Variants in PDZRN4 observed in about 807,000 individuals in gnomAD.
PDZRN4 encodes PDZ domain-containing RING finger protein 4.
A neutral mutation model predicts 99.0 loss-of-function variants in PDZRN4; 70 were observed. The ratio of observed to expected loss-of-function variants is 0.71; its 90% confidence interval spans 0.58 to 0.86. The LOEUF (loss-of-function observed/expected upper bound fraction) is 0.86. PDZRN4 is among the 40% of genes least tolerant of loss of function. The pLI, the probability that PDZRN4 is intolerant of heterozygous loss-of-function variation, is 0.00. For missense variants in PDZRN4, 1,474 were observed against 1,331.2 expected (o/e 1.11, Z -1.67); for synonymous variants, 551 against 501.6 (o/e 1.10, Z -1.32).
chr12:41,363,294 G>A (rs562592283), intron 3 of PDZRN4, among the ~76,000 whole-genome samples: 7 of 152,062 alleles, frequency 4.6e-5, no homozygotes, highest in African/African-American at 1.7e-4. Context: ...TCCTTAAAAT[G>A]GTTTCAAATG....
chr12:41,388,682 G>T (rs774256946), intron 3 of PDZRN4, among the ~76,000 whole-genome samples: 1 of 152,158 alleles, frequency 6.6e-6, no homozygotes, highest in African/African-American at 2.4e-5. Context: ...TTCAGAAACA[G>T]CATAATTTGG....
At chr12:41,367,979 G>T (rs2121073442) in intron 3 of PDZRN4, among the ~76,000 whole-genome samples, 1 of 152,204 alleles carries the variant, frequency 6.6e-6, no homozygotes, top group East Asian at 1.9e-4. Context: ...CCATAGTACA[G>T]AGTAGGAAAT....
At chr12:41,434,504 C>A (rs1217545314) in intron 3 of PDZRN4, among the ~76,000 whole-genome samples, 3 of 152,108 alleles carry the variant, frequency 2.0e-5, no homozygotes, top group Non-Finnish European at 4.4e-5. Context: ...CAGAATAATT[C>A]TATAAAGAGA....
At chr12:41,344,087 A>G (rs1017856656) in intron 3 of PDZRN4, among the ~76,000 whole-genome samples, 29 of 152,128 alleles carry the variant, frequency 1.9e-4, no homozygotes, top group Admixed American at 3.9e-4. Flanking sequence ...TTCATGTTAA[A>G]GCAGCTTCCC....
chr12:41,557,521 C>T (rs1159177882), intron 7 of PDZRN4, among the ~76,000 whole-genome samples: 1 of 152,126 alleles, frequency 6.6e-6, no homozygotes, highest in Non-Finnish European at 1.5e-5. Context: ...CAGATGATTA[C>T]AGTACAGCAT....
chr12:41,284,876 T>C (rs969868462), intron 3 of PDZRN4, among the ~76,000 whole-genome samples: 1 of 152,112 alleles, frequency 6.6e-6, no homozygotes, highest in African/African-American at 2.4e-5. Flanking sequence ...ATTAAAGACT[T>C]AAACATAAGA....
chr12:41,427,806 A>C (rs1952549863), intron 3 of PDZRN4, among the ~76,000 whole-genome samples: 1 of 152,156 alleles, frequency 6.6e-6, no homozygotes, highest in Admixed American at 6.6e-5. Context: ...AGAAAACTTC[A>C]GGTCCTGACC....
intron 3 of PDZRN4, among the ~76,000 whole-genome samples, chr12:41,422,735 G>C (rs1412627442): frequency 1.3e-5 from 2 of 152,128 alleles, no homozygotes; most frequent in Admixed American, 6.6e-5. Flanking sequence ...TCGACATGTG[G>C]GGATTGTAAT....
intron 3 of PDZRN4, among the ~76,000 whole-genome samples, chr12:41,450,763 T>C (rs1952767855): frequency 6.6e-6 from 1 of 151,946 alleles, no homozygotes; most frequent in Non-Finnish European, 1.5e-5. Context: ...CTACTAAAAG[T>C]AAAAAATAAA....
intron 9 of PDZRN4, among the ~76,000 whole-genome samples, chr12:41,568,603 T>A (rs561370726): frequency 6.6e-6 from 1 of 152,296 alleles, no homozygotes; most frequent in Admixed American, 6.5e-5. Flanking sequence ...AGAACTGCTG[T>A]CCTTAATGGA....
chr12:41,275,024 A>G (rs767497184), intron 3 of PDZRN4, among the ~76,000 whole-genome samples: 7 of 152,116 alleles, frequency 4.6e-5, no homozygotes, highest in Non-Finnish European at 8.8e-5. Flanking sequence ...TGATGCATCT[A>G]TGTAGTCCAG....
Position 41,298,418 on chromosome 12 carries a change from G to C in PDZRN4, c.843+104230G>C, listed in dbSNP as rs548291301. 2.6e-5 allele frequency among the ~76,000 whole-genome samples: 4 copies of C among 152,252 alleles called. No homozygotes were observed. In the East Asian group the frequency reaches 7.7e-4, roughly 29 times the overall value. Reference sequence around the variant, plus strand: ...AATCTGAAGACTTAACGATACCAAAGCTGCGTTGCCAGTCAAATTTGCTTT... The same window carrying C: ...AATCTGAAGACTTAACGATACCAAACCTGCGTTGCCAGTCAAATTTGCTTT... On this transcript the variant is annotated intron_variant, in intron 3 of 9. Coordinates refer to ENST00000402685, the MANE Select transcript of PDZRN4 (RefSeq NM_001164595.2).
intron 3 of PDZRN4, among the ~76,000 whole-genome samples, chr12:41,316,980 C>T (rs1182681966): frequency 2.8e-5 from 4 of 143,532 alleles, no homozygotes; most frequent in East Asian, 4.2e-4. Flanking sequence ...CACCCAATGT[C>T]ACTTGCTCTT....
chr12:41,395,516 T>G (rs1483094384), intron 3 of PDZRN4, among the ~76,000 whole-genome samples: 1 of 152,220 alleles, frequency 6.6e-6, no homozygotes, highest in Non-Finnish European at 1.5e-5. Context: ...TCTTTGCTGC[T>G]TCCAGTGAGT....
chr12:41,505,122 A>G lies in PDZRN4; in HGVS notation c.844-1334A>G, dbSNP rs12581707. Among the ~76,000 whole-genome samples the G allele has an allele frequency of 8.8e-3, 1,343 of 152,142 alleles. 56 individuals are homozygous for G. The East Asian group carries it at 0.14, about 15-fold the overall frequency. ...ATTCCTTGTCTACTCAGGGAGAGAGAATGTGCCCATTCGAATGTCAGCAGT... is the reference window on the plus strand; with the variant it reads ...ATTCCTTGTCTACTCAGGGAGAGAGGATGTGCCCATTCGAATGTCAGCAGT... On this transcript the variant is annotated intron_variant, in intron 3 of 9. Coordinates refer to ENST00000402685, the MANE Select transcript of PDZRN4 (RefSeq NM_001164595.2).
At chr12:41,506,033 C>T (rs567912830) in intron 3 of PDZRN4, among the ~76,000 whole-genome samples, 5 of 152,074 alleles carry the variant, frequency 3.3e-5, no homozygotes, top group Non-Finnish European at 5.9e-5. Context: ...TTGACAATAT[C>T]TTAAAAAATT....
chr12:41,493,787 T>A (rs1387986112), intron 3 of PDZRN4, among the ~76,000 whole-genome samples: 1 of 152,022 alleles, frequency 6.6e-6, no homozygotes, highest in Non-Finnish European at 1.5e-5. Flanking sequence ...GGCTGCTGAA[T>A]TTTTGTAAGG....
At position 41,234,755 on chromosome 12, in the gene PDZRN4, G is replaced by A. The variant is rs1591979032; in HGVS notation, c.843+40567G>A. Among the ~76,000 whole-genome samples, 4 of 152,274 alleles carry A rather than the reference G, an allele frequency of 2.6e-5. No homozygotes were observed. In the East Asian group the frequency reaches 7.7e-4, roughly 29 times the overall value. On this transcript the variant is annotated intron_variant, in intron 3 of 9. Transcript: ENST00000402685. ...TGTGTCCTTTAAAAGTTGGTTGGAT[G>A]AGAGCTGTATTTTCTAGCTCATTGA...
At chr12:41,272,302 TC>T (rs1377402265) in intron 3 of PDZRN4, among the ~76,000 whole-genome samples, 1 of 152,098 alleles carries the variant, frequency 6.6e-6, no homozygotes, top group Admixed American at 6.6e-5. Context: ...AATATTGTTT[TC>T]TTTGGTTATG....
Sources: allele counts gnomAD v4.1 joint callset (sites outside exome capture counted in the v4.1 genomes callset), GRCh38; gene constraint gnomAD v4.1.1; transcripts MANE v1.5; gene names NCBI Gene and HGNC (gene_info 2026-07-23, HGNC 2026-07-21).